Variants in CCDC178 observed in about 807,000 individuals in gnomAD.
The protein encoded by CCDC178 is coiled-coil domain containing 178.
CCDC178 carries 126 observed loss-of-function variants against 117.4 expected under a neutral mutation model. The ratio of observed to expected loss-of-function variants is 1.07; its 90% confidence interval spans 0.93 to 1.24. The LOEUF (loss-of-function observed/expected upper bound fraction) is 1.24. CCDC178 is among the 50% of genes most tolerant of loss of function. The pLI is 0.00. For synonymous variants in CCDC178, 283 were observed against 313.4 expected, an observed-to-expected ratio of 0.90 and a Z score of 1.02; for missense variants, 1,030 against 986.9, an observed-to-expected ratio of 1.04 and a Z score of -0.59.
At chr18:33,244,254 A>G (rs958932907) in intron 15 of CCDC178, among the ~76,000 whole-genome samples, 1 of 151,846 alleles carries the variant, frequency 6.6e-6, no homozygotes, top group African/African-American at 2.4e-5. Flanking sequence ...TTTTGCTCAT[A>G]AGTCTTTAAG....
chr18:33,289,031 C>T (rs761208530), intron 12 of CCDC178, among the ~76,000 whole-genome samples: 2 of 152,040 alleles, frequency 1.3e-5, no homozygotes, highest in Non-Finnish European at 2.9e-5. Context: ...CTCATCAATG[C>T]CATTTCCTCC....
At chr18:33,055,221 T>C (rs2056809902) in intron 21 of CCDC178, among the ~76,000 whole-genome samples, 1 of 152,214 alleles carries the variant, frequency 6.6e-6, no homozygotes, top group Non-Finnish European at 1.5e-5. Flanking sequence ...TTGCAGGTTG[T>C]CTGTTCACTC....
chr18:33,306,337 A>G (rs2062247260), intron 11 of CCDC178, among the ~76,000 whole-genome samples: 1 of 151,600 alleles, frequency 6.6e-6, no homozygotes, highest in South Asian at 2.1e-4. Flanking sequence ...ATTTGGACCC[A>G]GCTATCTTTT....
At chr18:33,076,799 C>A (rs1031296761) in intron 21 of CCDC178, among the ~76,000 whole-genome samples, 6 of 152,156 alleles carry the variant, frequency 3.9e-5, no homozygotes, top group African/African-American at 1.4e-4. Flanking sequence ...CTTTGCTTTA[C>A]TCTGTATTCT....
chr18:32,972,176 A>G (rs953300731), intron 22 of CCDC178, among the ~76,000 whole-genome samples: 3 of 152,092 alleles, frequency 2.0e-5, no homozygotes, highest in Non-Finnish European at 4.4e-5. Context: ...TTTTCAATCC[A>G]TCTTGAGCTA....
intron 9 of CCDC178, among the ~76,000 whole-genome samples, chr18:33,345,147 G>T (rs1485106116): frequency 6.6e-6 from 1 of 151,944 alleles, no homozygotes; most frequent in Non-Finnish European, 1.5e-5. Flanking sequence ...AAGATTTCTT[G>T]GTTTAAATGA....
intron 21 of CCDC178, among the ~76,000 whole-genome samples, chr18:33,024,769 G>A (rs993261291): frequency 6.0e-5 from 9 of 150,558 alleles, no homozygotes; most frequent in Non-Finnish European, 1.0e-4. Context: ...TCAGCCTCCC[G>A]AGTAGCTGGG....
intron 21 of CCDC178, among the ~76,000 whole-genome samples, chr18:33,043,720 C>A (rs2056591193): frequency 6.6e-6 from 1 of 151,852 alleles, no homozygotes. Flanking sequence ...TGAGTTGTAA[C>A]CATATTCATG....
In CCDC178 at chr18:33,191,791, A is replaced by G. The variant is rs117544742; in HGVS notation, c.2238+20105T>C. Among the ~76,000 whole-genome samples the G allele has an allele frequency of 5.8e-3, 883 of 152,302 alleles. 6 individuals are homozygous for G. The highest frequency in any genetic ancestry group is 0.031 in the Middle Eastern group (9 of 292). On this transcript the variant is annotated intron_variant, in intron 20 of 22. Transcript: ENST00000383096. ...TAGAAGAAAATAAAACGAGAGACAGACAAATACAAATTCCATGGTCAGGAC... is the reference window on the plus strand; with the variant it reads ...TAGAAGAAAATAAAACGAGAGACAGGCAAATACAAATTCCATGGTCAGGAC...
chr18:33,187,953 A>G (rs1023683266), intron 20 of CCDC178, among the ~76,000 whole-genome samples: 7 of 152,070 alleles, frequency 4.6e-5, no homozygotes, highest in African/African-American at 1.7e-4. Context: ...GTAGTTCGAT[A>G]CTCCCTTCAC....
intron 21 of CCDC178, among the ~76,000 whole-genome samples, chr18:33,089,026 A>C (rs2057424102): frequency 1.3e-5 from 2 of 152,154 alleles, no homozygotes; most frequent in Admixed American, 1.3e-4. Context: ...ATTTAGAATT[A>C]TGAAACCTAC....
chr18:32,976,931 T>A (rs1447029121), intron 21 of CCDC178, among the ~76,000 whole-genome samples: 1 of 152,170 alleles, frequency 6.6e-6, no homozygotes, highest in Non-Finnish European at 1.5e-5. Flanking sequence ...GAAGAGGCCA[T>A]AATCTTATAG....
At chr18:33,067,712 G>A (rs1314375012) in intron 21 of CCDC178, among the ~76,000 whole-genome samples, 1 of 151,956 alleles carries the variant, frequency 6.6e-6, no homozygotes, top group Non-Finnish European at 1.5e-5. Context: ...GCGTGGTGGG[G>A]CATGCCTGTA....
chr18:32,970,788 G>C (rs1322835342), intron 22 of CCDC178, among the ~76,000 whole-genome samples: 1 of 152,004 alleles, frequency 6.6e-6, no homozygotes, highest in Non-Finnish European at 1.5e-5. Flanking sequence ...ATAAAGGCCT[G>C]AAGGAGCTTA....
chr18:32,938,840 T>C (rs1044488401), intron 22 of CCDC178, among the ~76,000 whole-genome samples: 2 of 152,162 alleles, frequency 1.3e-5, no homozygotes, highest in African/African-American at 2.4e-5. Flanking sequence ...ACTATTCTTG[T>C]AGATAGGAAA....
In CCDC178 at chr18:33,195,176, A is replaced by G. The variant is rs1227621945; in HGVS notation, c.2238+16720T>C. Reference sequence around the variant, plus strand: ...AAAAGAAAATTAAAAAAAGAAAAATACAATTTTAACTATCTATACTAAAGA... The same window carrying G: ...AAAAGAAAATTAAAAAAAGAAAAATGCAATTTTAACTATCTATACTAAAGA... On this transcript the variant is annotated intron_variant, in intron 20 of 22. Transcript: ENST00000383096. Among the ~76,000 whole-genome samples, 5 of 152,048 alleles carry G rather than the reference A, an allele frequency of 3.3e-5. 1 individual carries two copies. In the East Asian group the frequency reaches 5.8e-4, roughly 18 times the overall value.
chr18:32,938,016 C>G lies in CCDC178; in HGVS notation c.2599G>C (p.Gly867Arg), dbSNP rs535699473. 11 of 1,611,508 alleles carry G rather than the reference C, an allele frequency of 6.8e-6. No individual in the cohort carries two copies. The highest frequency in any genetic ancestry group is 3.3e-5 in the Admixed American group (2 of 59,980). Residue 867 changes from glycine (G) to arginine (R), a missense_variant, in exon 23 of 23, where the codon GGT becomes CGT. Gly to Arg is a moderately radical substitution (Grantham distance 125). Transcript: ENST00000383096. ...TLTDGTCEND[G>R] ...AAGATACATTGGTTGTTTGCTTAAC[C>G]ATCGTTTTCGCATGTGCCATCTGTC...
At chr18:32,955,529 T>C (rs1407192443) in intron 22 of CCDC178, among the ~76,000 whole-genome samples, 1 of 152,178 alleles carries the variant, frequency 6.6e-6, no homozygotes, top group African/African-American at 2.4e-5. Context: ...TAGCAGGAAC[T>C]GAATCTGGTT....
chr18:33,341,096 G>C (rs112786599), intron 9 of CCDC178, among the ~76,000 whole-genome samples: 2 of 152,194 alleles, frequency 1.3e-5, no homozygotes, highest in African/African-American at 4.8e-5. Context: ...GGGTGCAGCT[G>C]CCTAAGACTG....
Sources: gnomAD v4.1 joint callset for allele counts (sites outside exome capture counted in the v4.1 genomes callset) on GRCh38, gnomAD v4.1.1 for gene constraint, MANE v1.5 for transcripts, NCBI Gene and HGNC (gene_info 2026-07-23, HGNC 2026-07-21) for gene names.